TMEM98: variants seen among roughly 807,000 people sequenced by gnomAD.
TMEM98 encodes the protein transmembrane protein 98.
TMEM98 carries 18 observed loss-of-function variants against 25.0 expected under a neutral mutation model. The observed-to-expected ratio is 0.72, with a 90% confidence interval of 0.50 to 1.07. The LOEUF (loss-of-function observed/expected upper bound fraction) is 1.07, where lower values mean the gene tolerates loss of function less well. Ranked by LOEUF, TMEM98 falls within the 50% of genes least tolerant of loss-of-function variation. The pLI is 0.00. For missense variants in TMEM98, 241 were observed against 289.0 expected (o/e 0.83, Z 1.20); for synonymous variants, 103 against 112.4 (o/e 0.92, Z 0.53).
Position 32,941,274 on chromosome 17 carries a change from C to G in TMEM98, c.*281C>G, listed in dbSNP as rs1350264793. 1.2e-5 allele frequency: 3 copies of G among 256,832 alleles called. No individual in the cohort carries two copies. The highest frequency in any genetic ancestry group is 2.2e-5 in the Non-Finnish European group (3 of 135,404). The allele number at this position is 256,832 out of a possible 1,614,324, so 15.9% of individuals were successfully genotyped here. A position where few individuals can be genotyped will look rare whatever the true frequency, so the allele number is the denominator to read the frequency against. On this transcript the variant is annotated 3_prime_UTR_variant, in exon 8 of 8. Coordinates refer to ENST00000579849, the MANE Select transcript of TMEM98 (RefSeq NM_015544.3). Reference sequence around the variant, plus strand: ...GGTGGACTGTCAGCTTTATTTAGCTCACCTAGTGTTTTCAAGAAAATTGAG... The same window carrying G: ...GGTGGACTGTCAGCTTTATTTAGCTGACCTAGTGTTTTCAAGAAAATTGAG...
chr17:32,941,037 C>T lies in TMEM98; in HGVS notation c.*44C>T. On this transcript the variant is annotated 3_prime_UTR_variant, in exon 8 of 8. Transcript: ENST00000579849. ...TAGCCATGAAGGCCCCTGCCGCCAT[C>T]CCTGGATGGCTCAGCTTAGCCTTCT... 1.3e-6 allele frequency: 2 copies of T among 1,513,110 alleles called. No homozygotes were observed. Among genetic ancestry groups the T allele is most frequent in the Non-Finnish European group, 1.8e-6 (2 of 1,115,720 alleles). The allele number at this position is 1,513,110 out of a possible 1,614,324, so 93.7% of individuals were successfully genotyped here.
intron 3 of TMEM98, among the ~76,000 whole-genome samples, chr17:32,932,942 ACTTTT>A (rs2091477519): frequency 6.6e-6 from 1 of 152,010 alleles, no homozygotes; most frequent in African/African-American, 2.4e-5. Flanking sequence ...ACTCCATTTC[ACTTTT>A]CTTTTGTTTT....
At chr17:32,934,427 A>G (rs2091485371) in intron 5 of TMEM98, 103 bp downstream of exon 5, 11 of 1,325,618 alleles carry the variant, frequency 8.3e-6, no homozygotes, top group Non-Finnish European at 1.2e-5. Flanking sequence ...GACCTCTCGC[A>G]AGAGGCCTTT....
intron 5 of TMEM98, among the ~76,000 whole-genome samples, chr17:32,935,478 G>A (rs1192520576): frequency 2.6e-5 from 4 of 152,056 alleles, no homozygotes; most frequent in Non-Finnish European, 5.9e-5. Flanking sequence ...GTGTCTACCC[G>A]GCGAACCTCT....
intron 1 of TMEM98, among the ~76,000 whole-genome samples, chr17:32,928,512 G>T (rs867687823): frequency 1.3e-5 from 2 of 151,790 alleles, no homozygotes; most frequent in Non-Finnish European, 2.9e-5. Context: ...AGCGGGTAGG[G>T]TCTTGGGTCT....
chr17:32,939,889 C>G (rs1164402707), intron 7 of TMEM98, among the ~76,000 whole-genome samples: 1 of 152,170 alleles, frequency 6.6e-6, no homozygotes, highest in Non-Finnish European at 1.5e-5. Flanking sequence ...TGAGTGCCAC[C>G]CAGTTGGGCG....
chr17:32,940,864 C>A lies in TMEM98; in HGVS notation c.552C>A (p.Asp184Glu). The change falls in exon 8 of 8, where the codon GAC becomes GAA. Residue 184 changes from aspartate to glutamate, a missense_variant. By Grantham distance (45) the Asp-to-Glu change is conservative. Transcript: ENST00000579849. ...RNACHLTGGLDWIDQSLSAAE... is the reference protein window; with the variant it reads ...RNACHLTGGLEWIDQSLSAAE... Reference sequence around the variant, plus strand: ...CCTGCCATCTGACGGGAGGCCTGGACTGGATTGACCAGTCTCTGTCGGCTG... The same window carrying A: ...CCTGCCATCTGACGGGAGGCCTGGAATGGATTGACCAGTCTCTGTCGGCTG... 1 of 1,614,216 alleles carries A rather than the reference C, an allele frequency of 6.2e-7. No individual in the cohort carries two copies. Among genetic ancestry groups the A allele is most frequent in the Non-Finnish European group, 8.5e-7 (1 of 1,180,030 alleles).
At chr17:32,938,837 A>G (rs28920) in intron 6 of TMEM98, among the ~76,000 whole-genome samples, 45,129 of 152,116 alleles carry the variant, frequency 0.3, 6,752 homozygotes, top group Non-Finnish European at 0.31. Flanking sequence ...TTGTTTATCT[A>G]TTTTTATGCA....
chr17:32,930,583 A>G (rs2091462859), intron 1 of TMEM98, among the ~76,000 whole-genome samples: 1 of 152,212 alleles, frequency 6.6e-6, no homozygotes, highest in Non-Finnish European at 1.5e-5. Flanking sequence ...CAGAACCTTT[A>G]CAGTCTTCTT....
chr17:32,931,458 C>A lies in TMEM98; in HGVS notation c.-54-17C>A. On this transcript the variant is annotated splice_polypyrimidine_tract_variant and intron_variant, in intron 2 of 7. Coordinates refer to ENST00000579849, the MANE Select transcript of TMEM98 (RefSeq NM_015544.3). ...GGCTTCTTGACCAGATCTGCTCTGA[C>A]TTCATGTTCTCTCAAGCTTTAGCCC... The A allele has an allele frequency of 6.4e-7, 1 of 1,558,436 alleles. No individual in the cohort carries two copies. The highest frequency in any genetic ancestry group is 8.7e-7 in the Non-Finnish European group (1 of 1,150,852).
At chr17:32,935,973 G>A (rs2091493837) in intron 5 of TMEM98, among the ~76,000 whole-genome samples, 1 of 152,120 alleles carries the variant, frequency 6.6e-6, no homozygotes, top group African/African-American at 2.4e-5. Context: ...ATTTATTCTT[G>A]TGGAAGACTA....
intron 3 of TMEM98, among the ~76,000 whole-genome samples, chr17:32,932,136 C>T (rs1435844572): frequency 5.1e-5 from 7 of 137,968 alleles, no homozygotes; most frequent in Non-Finnish European, 9.1e-5. Context: ...GTTTCACTCT[C>T]GTTGCCCAGG....
chr17:32,931,566 C>A lies in TMEM98; in HGVS notation c.38C>A (p.Ala13Asp). ...GTGATTGTTGCCATAGGTGTGCTGG[C>A]CACCATCTTTCTGGCTTCGTTTGCA... ...TVVIVAIGVLATIFLASFAAL... is the reference protein window; with the variant it reads ...TVVIVAIGVLDTIFLASFAAL... The change falls in exon 3 of 8, where the codon GCC (alanine) becomes GAC (aspartate). Residue 13 changes from alanine to aspartate, a missense_variant. By Grantham distance (126) the Ala-to-Asp change is moderately radical. Coordinates refer to ENST00000579849, the MANE Select transcript of TMEM98 (RefSeq NM_015544.3). The A allele has an allele frequency of 6.2e-7, 1 of 1,604,966 alleles. No homozygotes were observed. The highest frequency in any genetic ancestry group is 8.5e-7 in the Non-Finnish European group (1 of 1,176,074).
chr17:32,937,892 C>T (rs1455927044), intron 6 of TMEM98, among the ~76,000 whole-genome samples: 1 of 152,160 alleles, frequency 6.6e-6, no homozygotes, highest in Non-Finnish European at 1.5e-5. Context: ...CACCCGGCCT[C>T]CTTCCCCATT....
intron 4 of TMEM98, among the ~76,000 whole-genome samples, 175 bp from the exon 5 acceptor site, chr17:32,934,116 G>A (rs1257956242): frequency 1.3e-5 from 2 of 152,078 alleles, no homozygotes; most frequent in Non-Finnish European, 1.5e-5. Context: ...GGGAAGGGAG[G>A]TGCTCCCTCC....
At chr17:32,937,503 G>A (rs1055641186) in intron 6 of TMEM98, among the ~76,000 whole-genome samples, 3 of 152,192 alleles carry the variant, frequency 2.0e-5, no homozygotes, top group Non-Finnish European at 4.4e-5. Context: ...CCTCCAGTGG[G>A]CTGTAGCCAC....
chr17:32,932,929 C>G (rs1017497045), intron 3 of TMEM98, among the ~76,000 whole-genome samples: 2 of 152,314 alleles, frequency 1.3e-5, no homozygotes, highest in Non-Finnish European at 2.9e-5. Flanking sequence ...GGTAGCTTAT[C>G]TGACTCCATT....
intron 3 of TMEM98, 21 bp downstream of exon 3, chr17:32,931,680 C>T: frequency 6.2e-7 from 1 of 1,601,244 alleles, no homozygotes; most frequent in Non-Finnish European, 8.5e-7. Context: ...CTATGGAGGG[C>T]AAGGAGGAGG....
At position 32,941,170 on chromosome 17, in the gene TMEM98, CTG is replaced by C. The variant is rs2091529037; in HGVS notation, c.*180_*181del. On this transcript the variant is annotated 3_prime_UTR_variant, in exon 8 of 8. Transcript: ENST00000579849. ...TTTATGCCTCTTTTGCAGTTGCAAA[CTG>C]TGGCTGGTGAGTGGCAGTCTAATAC... The C allele has an allele frequency of 1.7e-6, 1 of 587,846 alleles. No homozygotes were observed. The highest frequency in any genetic ancestry group is 2.2e-5 in the South Asian group (1 of 45,372). 36.4% of individuals were successfully genotyped at this position (587,846 alleles called of 1,614,324 possible).
Sources: allele counts gnomAD v4.1 joint callset (sites outside exome capture counted in the v4.1 genomes callset), GRCh38; gene constraint gnomAD v4.1.1; transcripts MANE v1.5; gene names NCBI Gene and HGNC (gene_info 2026-07-23, HGNC 2026-07-21).